RECK: variants seen among roughly 807,000 people sequenced by gnomAD.
RECK encodes reversion-inducing cysteine-rich protein with Kazal motifs.
Under a neutral mutation model 115.1 loss-of-function variants are expected in RECK, and 69 were observed. The observed-to-expected ratio is 0.60, with a 90% CI of 0.49 to 0.73. The LOEUF is 0.73. Among genes scored for constraint, RECK ranks in the 30% least tolerant of loss-of-function variants. The pLI is 0.00. For synonymous variants in RECK, 414 were observed against 419.7 expected (o/e 0.99, Z 0.17); for missense variants, 1,047 against 1,203.7 (o/e 0.87, Z 1.93).
chr9:36,073,242 ACACAC>A (rs1564113321), intron 6 of RECK, among the ~76,000 whole-genome samples: 2 of 36,704 alleles, frequency 5.4e-5, no homozygotes, highest in Admixed American at 4.7e-4. Context: ...ACACACACAG[ACACAC>A]ACACACACAC....
chr9:36,096,984 ACTC>A (rs1266947233), intron 10 of RECK, among the ~76,000 whole-genome samples: 17 of 151,948 alleles, frequency 1.1e-4, no homozygotes, highest in Admixed American at 1.1e-3. Context: ...TACATAAATA[ACTC>A]CTACAACATC....
intron 6 of RECK, chr9:36,066,821 T>A (rs1316561096): frequency 9.3e-6 from 12 of 1,289,228 alleles, no homozygotes; most frequent in Non-Finnish European, 1.2e-5. Context: ...ATTTCTGCAT[T>A]GCCCTAGGAA....
chr9:36,039,816 A>G (rs1250357121), intron 1 of RECK, among the ~76,000 whole-genome samples: 1 of 152,246 alleles, frequency 6.6e-6, no homozygotes, highest in Non-Finnish European at 1.5e-5. Context: ...GAGCAAAGTA[A>G]TAAGAAGCAG....
rs1823747205 is a variant in RECK at position 36,105,144 on chromosome 9, G to A, written c.1437G>A (p.Arg479=). 1 of 1,612,928 alleles carries A rather than the reference G, an allele frequency of 6.2e-7. No homozygotes were observed. The highest frequency in any genetic ancestry group is 8.5e-7 in the Non-Finnish European group (1 of 1,179,568). ...KNCIPLDTYL[R]PSTLGNIVEE... ...ACTAATCTGTTTTGGTTTTTTCAGG[G>A]CCAAGTACTTTAGGTAACATTGTAG... Residue 479 remains arginine, a splice_region_variant and synonymous_variant, in exon 13 of 21, where the codon AGG becomes AGA. Transcript: ENST00000377966.
Position 36,100,629 on chromosome 9 carries a change from C to T in RECK, c.1298+86C>T, listed in dbSNP as rs988583595. 3.0e-6 allele frequency: 3 copies of T among 987,268 alleles called. No homozygotes were observed. In the African/African-American group the frequency reaches 4.9e-5, roughly 16 times the overall value. 61.2% of individuals were successfully genotyped at this position (987,268 alleles called of 1,614,324 possible). A position where few individuals can be genotyped will look rare whatever the true frequency, so the allele number is the denominator to read the frequency against. On this transcript the variant is annotated intron_variant, in intron 11 of 20. Coordinates refer to ENST00000377966, the MANE Select transcript of RECK (RefSeq NM_021111.3). The stretch of plus-strand genomic sequence containing the variant: ...CCAGAGCCTCTCCATAGAATTTTCT[C>T]TCTTACCACTTCCTTTGCCTATCAC...
chr9:36,074,797 C>G (rs1416595127), intron 6 of RECK, among the ~76,000 whole-genome samples: 1 of 152,202 alleles, frequency 6.6e-6, no homozygotes, highest in Non-Finnish European at 1.5e-5. Context: ...TGAGTACTAT[C>G]TATTATCCCA....
At chr9:36,110,382 C>T (rs1016049724) in intron 15 of RECK, among the ~76,000 whole-genome samples, 1 of 152,084 alleles carries the variant, frequency 6.6e-6, no homozygotes, top group African/African-American at 2.4e-5. Context: ...TGGTAGAATA[C>T]CCCATTTACC....
chr9:36,058,659 T>TAATAAATA (rs542503883), intron 2 of RECK, among the ~76,000 whole-genome samples, 168 bp from the exon 3 acceptor site: 4 of 144,684 alleles, frequency 2.8e-5, no homozygotes, highest in African/African-American at 1.0e-4. Context: ...TAATAATAAT[T>TAATAAATA]AATAAATAAA....
chr9:36,086,236 T>A (rs947548359), intron 8 of RECK: 1 of 152,256 alleles, frequency 6.6e-6, no homozygotes, highest in African/African-American at 2.4e-5. Context: ...CTTAGATTAA[T>A]TAGCATAAGA....
rs56726335 is a variant in RECK at position 36,048,126 on chromosome 9, A to AATATATATATATATATATAT, written c.101-4124_101-4105dup. 1.3e-3 allele frequency among the ~76,000 whole-genome samples: 148 copies of AATATATATATATATATATAT among 115,294 alleles called. 2 individuals carry two copies. The highest frequency in any genetic ancestry group is 4.1e-3 in the Middle Eastern group (1 of 246). The allele number at this position is 115,294 out of a possible 152,430, so 75.6% of individuals were successfully genotyped here. ...TACACACGCACAGACACACAGGTTG[A>AATATATATATATATATATAT]ATATATATATATATATATATATATA... is the stretch of plus-strand genomic sequence containing the variant. On this transcript the variant is annotated intron_variant, in intron 1 of 20. Coordinates refer to ENST00000377966, the MANE Select transcript of RECK (RefSeq NM_021111.3).
chr9:36,102,329 G>A, intron 12 of RECK, 99 bp downstream of exon 12: 1 of 1,054,082 alleles, frequency 9.5e-7, no homozygotes, highest in Non-Finnish European at 1.4e-6. Context: ...TATCTGTTGA[G>A]AACATGGGAT....
In RECK at chr9:36,118,871, G is replaced by A. The variant is rs747355894; in HGVS notation, c.2368G>A (p.Val790Ile). ...AVDYYGDCQA[V>I]GVLSEHSSVA... ...CGATTACTATGGGGACTGCCAGGCC[G>A]TCGGAGTCCTCTCAGAGCACAGCTC... is the stretch of plus-strand genomic sequence containing the variant. The change falls in exon 18 of 21, where the codon GTC becomes ATC. Residue 790 changes from valine to isoleucine, a missense_variant. Physicochemically the swap from Val to Ile is conservative, Grantham distance 29. Transcript: ENST00000377966. 40 of 1,614,036 alleles carry A rather than the reference G, an allele frequency of 2.5e-5. No individual in the cohort carries two copies. The highest frequency in any genetic ancestry group is 8.9e-5 in the East Asian group (4 of 44,892).
intron 7 of RECK, among the ~76,000 whole-genome samples, chr9:36,082,180 C>CTCTCTCTCTCTCTA (rs1196751026): frequency 1.3e-5 from 2 of 149,990 alleles, no homozygotes; most frequent in African/African-American, 4.9e-5. Context: ...CTCTCTCTCT[C>CTCTCTCTCTCTCTA]TCTCTCTCCT....
At position 36,108,049 on chromosome 9, in the gene RECK, G is replaced by A. The variant is rs1442026841; in HGVS notation, c.1650G>A (p.Gly550=). The change falls in exon 14 of 21, where the codon GGG becomes GGA. Residue 550 remains glycine (G), a synonymous_variant. Coordinates refer to ENST00000377966, the MANE Select transcript of RECK (RefSeq NM_021111.3). ...GTLIQVPSSA[G]EVGCYKICSC... ...TAATCCAGGTGCCATCATCTGCAGGGGAAGTTGGTTGTTATAAAATCTGTT... is the reference window on the plus strand; with the variant it reads ...TAATCCAGGTGCCATCATCTGCAGGAGAAGTTGGTTGTTATAAAATCTGTT... The A allele has an allele frequency of 6.2e-7, 1 of 1,614,084 alleles. No individual in the cohort carries two copies.
chr9:36,057,494 G>C (rs971386189), intron 2 of RECK, among the ~76,000 whole-genome samples: 1 of 152,126 alleles, frequency 6.6e-6, no homozygotes, highest in East Asian at 1.9e-4. Flanking sequence ...TGTTACCTCA[G>C]CTTAACTTAG....
At chr9:36,090,988 A>T (rs1823135133) in intron 9 of RECK, among the ~76,000 whole-genome samples, 176 bp from the exon 10 acceptor site, 1 of 152,248 alleles carries the variant, frequency 6.6e-6, no homozygotes, top group South Asian at 2.1e-4. Context: ...CCTGTTTTCC[A>T]TGGAAAACAA....
At chr9:36,083,256 GT>G in intron 7 of RECK, 108 bp from the exon 8 acceptor site, 1 of 1,187,596 alleles carries the variant, frequency 8.4e-7, no homozygotes, top group Non-Finnish European at 1.2e-6. Context: ...CTGTGGCATG[GT>G]TTTATTTCTC....
intron 6 of RECK, among the ~76,000 whole-genome samples, chr9:36,080,167 T>C (rs1429705132): frequency 6.6e-6 from 1 of 152,234 alleles, no homozygotes; most frequent in African/African-American, 2.4e-5. Flanking sequence ...GATTCCAGTG[T>C]ACAGCCATGT....
chr9:36,036,945 T>A lies in RECK; in HGVS notation c.-54T>A. The A allele has an allele frequency of 8.4e-7, 1 of 1,191,246 alleles. No homozygotes were observed. The highest frequency in any genetic ancestry group is 1.1e-6 in the Non-Finnish European group (1 of 932,412). The allele number at this position is 1,191,246 out of a possible 1,614,324, so 73.8% of individuals were successfully genotyped here. A position where few individuals can be genotyped will look rare whatever the true frequency, so the allele number is the denominator to read the frequency against. On this transcript the variant is annotated 5_prime_UTR_variant, in exon 1 of 21. Coordinates refer to ENST00000377966, the MANE Select transcript of RECK (RefSeq NM_021111.3). ...CGGCGGCGGTAGCGGCGGCAGCGGC[T>A]GCGGCCAAGCTGGGTCCGAGCATCC...
Sources: gnomAD v4.1 joint callset for allele counts (sites outside exome capture counted in the v4.1 genomes callset) on GRCh38, gnomAD v4.1.1 for gene constraint, MANE v1.5 for transcripts, NCBI Gene and HGNC (gene_info 2026-07-23, HGNC 2026-07-21) for gene names.